KCNMA1: variants seen among roughly 807,000 people sequenced by gnomAD.
The protein encoded by KCNMA1 is potassium calcium-activated channel subfamily M alpha 1.
KCNMA1 carries 29 observed loss-of-function variants against 140.0 expected under a neutral mutation model. The ratio of observed to expected loss-of-function variants is 0.21; its 90% CI spans 0.15 to 0.28. KCNMA1 has a LOEUF of 0.28. Ranked by LOEUF, KCNMA1 falls within the 10% of genes least tolerant of loss-of-function variation. The pLI is 1.00. For synonymous variants in KCNMA1, 612 were observed against 611.9 expected, an observed-to-expected ratio of 1.00 and a Z score of 0.00; for missense variants, 880 against 1,602.2, an observed-to-expected ratio of 0.55 and a Z score of 7.70.
intron 1 of KCNMA1, among the ~76,000 whole-genome samples, chr10:77,534,422 C>T (rs548821229): frequency 6.6e-6 from 1 of 152,248 alleles, no homozygotes; most frequent in South Asian, 2.1e-4. Flanking sequence ...TACAAGCAGG[C>T]TTAAAGAAAA....
Position 76,887,188 on chromosome 10 carries a change from A to C in KCNMA1, c.*78T>G, listed in dbSNP as rs1285236681. The C allele has an allele frequency of 6.2e-7, 1 of 1,613,034 alleles. No individual in the cohort carries two copies. The highest frequency in any genetic ancestry group is 8.5e-7 in the Non-Finnish European group (1 of 1,179,966). ...GGGGGGACTACAGGGGAAAACAGGGAAAGTTACTTTGTTGGAAACACCAAC... is the reference window on the plus strand; with the variant it reads ...GGGGGGACTACAGGGGAAAACAGGGCAAGTTACTTTGTTGGAAACACCAAC... On this transcript the variant is annotated 3_prime_UTR_variant, in exon 28 of 28. Coordinates refer to ENST00000286628, the MANE Select transcript of KCNMA1 (RefSeq NM_001161352.2).
intron 15 of KCNMA1, among the ~76,000 whole-genome samples, chr10:77,033,482 T>G (rs542165134): frequency 1.1e-4 from 16 of 151,512 alleles, no homozygotes; most frequent in Non-Finnish European, 2.1e-4. Context: ...ACACACACAA[T>G]CTCCACTAGC....
At chr10:77,565,860 C>T (rs927043168) in intron 1 of KCNMA1, among the ~76,000 whole-genome samples, 2 of 152,104 alleles carry the variant, frequency 1.3e-5, no homozygotes, top group African/African-American at 4.8e-5. Context: ...GCCTCCCACC[C>T]CATCCCCCTG....
At chr10:77,220,764 TAA>T (rs397742890) in intron 3 of KCNMA1, among the ~76,000 whole-genome samples, 3 of 102,944 alleles carry the variant, frequency 2.9e-5, no homozygotes, top group Non-Finnish European at 7.1e-5. Context: ...CAGTTTCTGC[TAA>T]AAAAAGTCTG....
chr10:77,093,476 G>A (rs1161795916), intron 9 of KCNMA1, among the ~76,000 whole-genome samples: 1 of 152,098 alleles, frequency 6.6e-6, no homozygotes, highest in African/African-American at 2.4e-5. Context: ...CCCACATATT[G>A]AAAATGTTTG....
chr10:77,196,442 C>A (rs1248669149), intron 3 of KCNMA1, among the ~76,000 whole-genome samples: 1 of 152,096 alleles, frequency 6.6e-6, no homozygotes, highest in Non-Finnish European at 1.5e-5. Context: ...CTGCACAGGT[C>A]TGTACTGTAA....
At chr10:77,138,765 C>CCTG (rs2098106880) in intron 5 of KCNMA1, among the ~76,000 whole-genome samples, 1 of 152,176 alleles carries the variant, frequency 6.6e-6, no homozygotes, top group Admixed American at 6.5e-5. Flanking sequence ...ACGCCCTGCA[C>CCTG]ACAGTGTCTC....
At position 77,346,384 on chromosome 10, in the gene KCNMA1, G is replaced by C. The variant is rs936318; in HGVS notation, c.540+57478C>G. On this transcript the variant is annotated intron_variant, in intron 2 of 27. Transcript: ENST00000286628. ...ATATTAATAATCTTGCCCTCTCACTGGCCTTCCCTCCCTCCCTCCTATTCC... is the reference window on the plus strand; with the variant it reads ...ATATTAATAATCTTGCCCTCTCACTCGCCTTCCCTCCCTCCCTCCTATTCC... 7.7e-3 allele frequency among the ~76,000 whole-genome samples: 1,178 copies of C among 152,226 alleles called. 15 individuals are homozygous for C. Among genetic ancestry groups the C allele is most frequent in the African/African-American group, 0.027 (1,105 of 41,518 alleles).
chr10:77,014,491 A>T (rs1459114420), intron 17 of KCNMA1, among the ~76,000 whole-genome samples: 1 of 151,602 alleles, frequency 6.6e-6, no homozygotes, highest in East Asian at 1.9e-4. Flanking sequence ...TTCATTTTTA[A>T]CTATAGTCAC....
In KCNMA1 at chr10:76,886,093, T is replaced by A. The variant is rs2036786267; in HGVS notation, c.*1173A>T. ...GTGGCTGGCTTTTGTCTTTGTTGAG[T>A]CAACTGTGGCTGATCCTCCTACATT... is the stretch of plus-strand genomic sequence containing the variant. On this transcript the variant is annotated 3_prime_UTR_variant, in exon 28 of 28. Coordinates refer to ENST00000286628, the MANE Select transcript of KCNMA1 (RefSeq NM_001161352.2). The A allele has an allele frequency of 1.0e-6, 1 of 985,272 alleles. No individual in the cohort carries two copies. Among genetic ancestry groups the A allele is most frequent in the Non-Finnish European group, 1.2e-6 (1 of 829,946 alleles). The allele number at this position is 985,272 out of a possible 1,614,324, so 61.0% of individuals were successfully genotyped here.
At chr10:77,122,432 G>C (rs1181833325) in intron 5 of KCNMA1, among the ~76,000 whole-genome samples, 1 of 151,942 alleles carries the variant, frequency 6.6e-6, no homozygotes, top group South Asian at 2.1e-4. Context: ...AAAGGCTCAC[G>C]GCCAAAAGCA....
chr10:77,265,285 C>G (rs2063124275), intron 2 of KCNMA1, among the ~76,000 whole-genome samples: 1 of 152,176 alleles, frequency 6.6e-6, no homozygotes, highest in South Asian at 2.1e-4. Flanking sequence ...CTCCTGACCT[C>G]AAATGATCCA....
rs59715001 is a variant in KCNMA1 at position 77,252,880 on chromosome 10, T to TA, written c.541-1625dup. Among the ~76,000 whole-genome samples, 78 of 146,230 alleles carry TA rather than the reference T, an allele frequency of 5.3e-4. 1 individual carries two copies. Among genetic ancestry groups the TA allele is most frequent in the Admixed American group, 1.2e-3 (18 of 14,640 alleles). ...CTGAGGTTTATTTCATTCTGCCATT[T>TA]AAAAAAAAAAACAACTAAAACATGC... is the stretch of plus-strand genomic sequence containing the variant. On this transcript the variant is annotated intron_variant, in intron 2 of 27. Coordinates refer to ENST00000286628, the MANE Select transcript of KCNMA1 (RefSeq NM_001161352.2).
At chr10:77,378,307 C>A (rs1410851125) in intron 2 of KCNMA1, among the ~76,000 whole-genome samples, 2 of 152,214 alleles carry the variant, frequency 1.3e-5, no homozygotes, top group African/African-American at 2.4e-5. Flanking sequence ...CAATGCCCCA[C>A]TTCCGTCGCA....
chr10:77,409,247 C>T (rs1326850696), intron 1 of KCNMA1, among the ~76,000 whole-genome samples: 8 of 152,184 alleles, frequency 5.3e-5, no homozygotes. Context: ...GGGCATTTCC[C>T]GCTGAATCAC....
At chr10:77,003,047 G>T (rs1246727038) in intron 18 of KCNMA1, among the ~76,000 whole-genome samples, 1 of 152,106 alleles carries the variant, frequency 6.6e-6, no homozygotes, top group Non-Finnish European at 1.5e-5. Context: ...TCTCTCAAAT[G>T]GGTCAAGTCC....
intron 1 of KCNMA1, among the ~76,000 whole-genome samples, chr10:77,489,088 AC>A (rs1375324850): frequency 6.6e-6 from 1 of 152,058 alleles, no homozygotes; most frequent in Non-Finnish European, 1.5e-5. Flanking sequence ...GGGGTAGATG[AC>A]CCCAGGGCCT....
chr10:77,333,235 A>G (rs2087228818), intron 2 of KCNMA1, among the ~76,000 whole-genome samples: 1 of 152,090 alleles, frequency 6.6e-6, no homozygotes, highest in Non-Finnish European at 1.5e-5. Context: ...CAAATGGGTG[A>G]GAAACAGCTT....
intron 1 of KCNMA1, among the ~76,000 whole-genome samples, chr10:77,633,335 GGAGA>G (rs373296990): frequency 4.6e-5 from 7 of 151,482 alleles, no homozygotes; most frequent in African/African-American, 1.2e-4. Flanking sequence ...ATTAATAAAA[GGAGA>G]GAGAGAGAGA....
Sources: gnomAD v4.1 joint callset for allele counts (sites outside exome capture counted in the v4.1 genomes callset) on GRCh38, gnomAD v4.1.1 for gene constraint, MANE v1.5 for transcripts, NCBI Gene and HGNC (gene_info 2026-07-23, HGNC 2026-07-21) for gene names.